PLA2G6: variants seen among roughly 807,000 people sequenced by gnomAD.
PLA2G6 encodes the protein 85/88 kDa calcium-independent phospholipase A2.
In PLA2G6, 62 loss-of-function variants were observed where a neutral mutation model predicts 83.8. The ratio of observed to expected loss-of-function variants is 0.74; its 90% CI spans 0.60 to 0.91. The LOEUF is 0.91. PLA2G6 is among the 40% of genes least tolerant of loss of function. The probability of loss-of-function intolerance (pLI) is 0.00; values close to 1 mark genes in which losing one functional copy is unlikely to be tolerated. For missense variants in PLA2G6, 944 were observed against 1,102.0 expected, an observed-to-expected ratio of 0.86 and a Z score of 2.03; for synonymous variants, 417 against 449.8, an observed-to-expected ratio of 0.93 and a Z score of 0.92.
chr22:38,148,456 C>T, intron 2 of PLA2G6: 1 of 712,826 alleles, frequency 1.4e-6, no homozygotes. Context: ...CATCTGCTGG[C>T]AGGCACTGGA....
intron 1 of PLA2G6, among the ~76,000 whole-genome samples, chr22:38,172,429 G>GA (rs2090470607): frequency 6.6e-6 from 1 of 152,188 alleles, no homozygotes; most frequent in Non-Finnish European, 1.5e-5. Context: ...ATTATGCATA[G>GA]AAAAAACAAA....
At chr22:38,177,301 C>T (rs1034041242) in intron 1 of PLA2G6, among the ~76,000 whole-genome samples, 19 of 151,904 alleles carry the variant, frequency 1.3e-4, no homozygotes, top group African/African-American at 3.9e-4. Context: ...GCAAAATGTC[C>T]CCGCAAATGT....
At chr22:38,164,098 G>A (rs1015589524) in intron 2 of PLA2G6, among the ~76,000 whole-genome samples, 8 of 152,110 alleles carry the variant, frequency 5.3e-5, no homozygotes, top group Admixed American at 2.0e-4. Flanking sequence ...AATGCCAGCC[G>A]TAAATGATTA....
chr22:38,115,863 G>T, intron 13 of PLA2G6, 182 bp from the exon 14 acceptor site: 1 of 1,476,782 alleles, frequency 6.8e-7, no homozygotes, highest in Non-Finnish European at 9.0e-7. Flanking sequence ...GTGGAAGGCA[G>T]GTACAGCTGA....
At chr22:38,126,724 C>T (rs2087883695) in intron 9 of PLA2G6, 1 of 494,464 alleles carries the variant, frequency 2.0e-6, no homozygotes, top group South Asian at 2.0e-5. Context: ...CCAGGTTCCC[C>T]TCAATCTCTT....
intron 1 of PLA2G6, 27 bp from the exon 2 acceptor site, chr22:38,169,498 G>T: frequency 1.5e-6 from 2 of 1,313,148 alleles, no homozygotes; most frequent in South Asian, 1.2e-5. Context: ...TCTCTGGTCA[G>T]CCAGGCACAG....
At chr22:38,174,969 G>C (rs1441301362) in intron 1 of PLA2G6, among the ~76,000 whole-genome samples, 4 of 152,112 alleles carry the variant, frequency 2.6e-5, no homozygotes, top group Admixed American at 2.0e-4. Context: ...GCTCAGAGCG[G>C]GTGGTGAGGG....
At chr22:38,131,802 C>A in intron 7 of PLA2G6, 1 of 262,810 alleles carries the variant, frequency 3.8e-6, no homozygotes, top group Non-Finnish European at 7.5e-6. Context: ...AGAAAACGTG[C>A]ACACGGTGGG....
At chr22:38,147,285 C>G (rs1176270310) in intron 2 of PLA2G6, 1 of 161,416 alleles carries the variant, frequency 6.2e-6, no homozygotes, top group East Asian at 1.9e-4. Flanking sequence ...CATTATATGT[C>G]AGTGATGGTT....
intron 1 of PLA2G6, among the ~76,000 whole-genome samples, chr22:38,174,303 C>T (rs868359695): frequency 5.3e-5 from 8 of 151,900 alleles, no homozygotes; most frequent in Middle Eastern, 3.4e-3. Context: ...GAGGCTGAGG[C>T]AGGAGAATGG....
chr22:38,177,810 G>A lies in PLA2G6; in HGVS notation c.-46+3854C>T, dbSNP rs143315414. 2.2e-3 allele frequency among the ~76,000 whole-genome samples: 332 copies of A among 152,210 alleles called. 3 individuals carry two copies. Among genetic ancestry groups the A allele is most frequent in the African/African-American group, 7.4e-3 (306 of 41,534 alleles). The stretch of plus-strand genomic sequence containing the variant: ...CAAACACCTGTAAGAAAAGGTCCAG[G>A]TCTCTCCACATTACACAGGAAACTG... On this transcript the variant is annotated intron_variant, in intron 1 of 16. Transcript: ENST00000332509.
intron 3 of PLA2G6, chr22:38,143,867 C>G: frequency 4.9e-6 from 1 of 203,352 alleles, no homozygotes; most frequent in Non-Finnish European, 1.0e-5. Context: ...CTCAGCCTCC[C>G]GAGTAGCTGG....
At chr22:38,127,732 C>G (rs1278375319) in intron 9 of PLA2G6, among the ~76,000 whole-genome samples, 1 of 152,202 alleles carries the variant, frequency 6.6e-6, no homozygotes, top group East Asian at 1.9e-4. Flanking sequence ...AGGGTCCTGT[C>G]TAGTCTGGGG....
At chr22:38,169,895 G>C (rs2090369000) in intron 1 of PLA2G6, among the ~76,000 whole-genome samples, 1 of 152,190 alleles carries the variant, frequency 6.6e-6, no homozygotes, top group African/African-American at 2.4e-5. Flanking sequence ...TAACCTTTCA[G>C]CACTCAAAGA....
chr22:38,153,309 G>A (rs1007544400), intron 2 of PLA2G6, among the ~76,000 whole-genome samples: 9 of 152,174 alleles, frequency 5.9e-5, no homozygotes, highest in Admixed American at 2.0e-4. Context: ...CCGCCGCCCC[G>A]TCTGGCAAGT....
rs573501522 is a variant in PLA2G6, at chr22:38,128,252, C to T, written c.1348+17G>A. The T allele has an allele frequency of 1.2e-4, 198 of 1,611,502 alleles. 1 individual carries two copies. The South Asian group carries it at 1.6e-3, about 13-fold the overall frequency. Reference sequence around the variant, plus strand: ...GGGAACCAGCTGGAGAAGAGGGAGTCGGGAGGCGAGGCCTACCTAGGTTGT... The same window carrying T: ...GGGAACCAGCTGGAGAAGAGGGAGTTGGGAGGCGAGGCCTACCTAGGTTGT... On this transcript the variant is annotated intron_variant, in intron 9 of 16. Coordinates refer to ENST00000332509, the MANE Select transcript of PLA2G6 (RefSeq NM_003560.4). This position sits in a 1 kb window ranked among gnomAD's most constrained non-coding sequence, Gnocchi z 4.4.
In PLA2G6 at chr22:38,123,374, A is replaced by G; in HGVS notation, c.1428-116T>C. 1.9e-6 allele frequency: 2 copies of G among 1,074,572 alleles called. No individual in the cohort carries two copies. 66.6% of individuals were successfully genotyped at this position (1,074,572 alleles called of 1,614,324 possible). On this transcript the variant is annotated intron_variant, in intron 10 of 16. Transcript: ENST00000332509. The surrounding 1 kb of genome is among the most constrained non-coding windows in gnomAD (Gnocchi z 4.1). The stretch of plus-strand genomic sequence containing the variant: ...TGTCCTGGCAGACAGACCCAGACGG[A>G]CCCGAGGAACTTCTGTCCTATGCAG...
intron 2 of PLA2G6, chr22:38,145,958 C>T (rs972072250): frequency 7.7e-6 from 3 of 388,478 alleles, no homozygotes; most frequent in African/African-American, 2.1e-5. Context: ...ACTGCATCTT[C>T]GAATTCCTGG....
intron 1 of PLA2G6, among the ~76,000 whole-genome samples, chr22:38,179,198 A>C (rs1254061824): frequency 6.6e-6 from 1 of 152,224 alleles, no homozygotes. Context: ...ATGTTTAGCG[A>C]GTTCCAGGAA....
Sources: gnomAD v4.1 joint callset for allele counts (sites outside exome capture counted in the v4.1 genomes callset) on GRCh38, gnomAD v4.1.1 for gene constraint, Gnocchi (gnomAD v3.1) non-coding constraint, MANE v1.5 for transcripts, NCBI Gene and HGNC (gene_info 2026-07-23, HGNC 2026-07-21) for gene names.